The following ADAMTSL1 variants were observed in gnomAD, a reference collection of about 807,000 sequenced individuals.
ADAMTSL1 encodes the protein ADAMTS-like protein 1.
A neutral mutation model predicts 201.8 loss-of-function variants in ADAMTSL1; 126 were observed. The observed-to-expected ratio is 0.62, with a 90% CI of 0.54 to 0.72. The LOEUF is 0.72. Ranked by LOEUF, ADAMTSL1 falls within the 30% of genes least tolerant of loss-of-function variation. The pLI is 0.00. For synonymous variants in ADAMTSL1, 1,121 were observed against 903.4 expected, an observed-to-expected ratio of 1.24 and a Z score of -4.32; for missense variants, 2,679 against 2,277.8, an observed-to-expected ratio of 1.18 and a Z score of -3.59.
chr9:18,237,434 T>C (rs1195694057), intron 2 of ADAMTSL1, among the ~76,000 whole-genome samples: 1 of 152,236 alleles, frequency 6.6e-6, no homozygotes, highest in East Asian at 1.9e-4. Flanking sequence ...GTTCTCATAT[T>C]CCGTGCTCTC....
intron 2 of ADAMTSL1, among the ~76,000 whole-genome samples, chr9:18,176,517 A>G (rs1828165472): frequency 6.6e-6 from 1 of 152,164 alleles, no homozygotes; most frequent in African/African-American, 2.4e-5. Context: ...TTGAATACAT[A>G]TCTTCATTAA....
intron 14 of ADAMTSL1, among the ~76,000 whole-genome samples, chr9:18,710,976 A>G (rs888554544): frequency 2.6e-5 from 4 of 152,170 alleles, no homozygotes; most frequent in Non-Finnish European, 4.4e-5. Context: ...AACGTTACAC[A>G]TATGAAACAA....
chr9:17,991,119 A>T (rs895283261), intron 1 of ADAMTSL1, among the ~76,000 whole-genome samples: 3 of 152,166 alleles, frequency 2.0e-5, no homozygotes, highest in African/African-American at 7.2e-5. Context: ...ATCCTTACTT[A>T]TCCCAAACGC....
At chr9:17,957,962 A>T (rs1463408846) in intron 1 of ADAMTSL1, among the ~76,000 whole-genome samples, 1 of 152,148 alleles carries the variant, frequency 6.6e-6, no homozygotes, top group Non-Finnish European at 1.5e-5. Context: ...GGAGAGAATA[A>T]GTTTTTGTTG....
At position 18,886,166 on chromosome 9, in the gene ADAMTSL1, GTATATATATATA is replaced by G. The variant is rs751978972; in HGVS notation, c.4250-1630_4250-1619del. Among the ~76,000 whole-genome samples, 242 of 37,150 alleles carry G rather than the reference GTATATATATATA, an allele frequency of 6.5e-3. 5 individuals are homozygous for G. Among genetic ancestry groups the G allele is most frequent in the Admixed American group, 7.8e-3 (30 of 3,824 alleles). 24.4% of individuals were successfully genotyped at this position (37,150 alleles called of 152,430 possible). A position where few individuals can be genotyped will look rare whatever the true frequency, so the allele number is the denominator to read the frequency against. On this transcript the variant is annotated intron_variant, in intron 23 of 28. Transcript: ENST00000380548. Reference sequence around the variant, plus strand: ...TATATATACATGTGAGTGTGTATGTGTATATATATATATATATATATATATATATATATATAT... The same window carrying G: ...TATATATACATGTGAGTGTGTATGTGTATATATATATATATATATATATAT...
chr9:18,049,691 T>C (rs1383914857), intron 1 of ADAMTSL1, among the ~76,000 whole-genome samples: 4 of 152,008 alleles, frequency 2.6e-5, no homozygotes, highest in African/African-American at 9.7e-5. Flanking sequence ...CGGTGCCATC[T>C]TGGCTCACTG....
chr9:18,082,968 C>T (rs1481795921), intron 1 of ADAMTSL1, among the ~76,000 whole-genome samples: 1 of 152,160 alleles, frequency 6.6e-6, no homozygotes, highest in Non-Finnish European at 1.5e-5. Flanking sequence ...ACAACCAGTA[C>T]TGCCAGGAAG....
chr9:18,496,478 T>C (rs1822540558), intron 1 of ADAMTSL1, among the ~76,000 whole-genome samples: 3 of 152,156 alleles, frequency 2.0e-5, no homozygotes, highest in African/African-American at 7.2e-5. Context: ...TCAGAACTAT[T>C]ACACCACATT....
Position 18,742,253 on chromosome 9 carries a change from A to G in ADAMTSL1, c.2007-11045A>G, listed in dbSNP as rs1396215782. On this transcript the variant is annotated intron_variant, in intron 15 of 28. Coordinates refer to ENST00000380548, the MANE Select transcript of ADAMTSL1 (RefSeq NM_001040272.6). ...GAACACAATCCAACCCATAATAAGGAGAAATACTTAGGTTTGTAGGGTTTT... is the reference window on the plus strand; with the variant it reads ...GAACACAATCCAACCCATAATAAGGGGAAATACTTAGGTTTGTAGGGTTTT... Among the ~76,000 whole-genome samples, 2 of 152,210 alleles carry G rather than the reference A, an allele frequency of 1.3e-5. 1 individual carries two copies. Among genetic ancestry groups the G allele is most frequent in the East Asian group, 3.8e-4 (2 of 5,196 alleles).
chr9:18,212,750 C>T (rs1272756161), intron 2 of ADAMTSL1, among the ~76,000 whole-genome samples: 1 of 152,128 alleles, frequency 6.6e-6, no homozygotes, highest in African/African-American at 2.4e-5. Flanking sequence ...AAAGGGAAGA[C>T]AACTTCTAGC....
intron 3 of ADAMTSL1, among the ~76,000 whole-genome samples, chr9:18,558,918 G>A (rs1821287451): frequency 6.6e-6 from 1 of 152,106 alleles, no homozygotes; most frequent in African/African-American, 2.4e-5. Context: ...CCCTTTGTCA[G>A]ATGAATAGAT....
intron 1 of ADAMTSL1, among the ~76,000 whole-genome samples, chr9:17,938,192 C>G (rs1827091779): frequency 6.6e-6 from 1 of 152,102 alleles, no homozygotes; most frequent in Non-Finnish European, 1.5e-5. Context: ...GGGGTGTGTG[C>G]ATAAGCTGAG....
intron 2 of ADAMTSL1, among the ~76,000 whole-genome samples, chr9:18,391,810 T>C (rs904367948): frequency 4.3e-5 from 6 of 138,562 alleles, no homozygotes; most frequent in African/African-American, 1.3e-4. Context: ...CTACTTTTTT[T>C]CTTTCTTTTC....
chr9:18,131,609 C>T (rs1032726436), intron 1 of ADAMTSL1, among the ~76,000 whole-genome samples: 2 of 152,178 alleles, frequency 1.3e-5, no homozygotes, highest in Non-Finnish European at 2.9e-5. Flanking sequence ...CATAGACTGA[C>T]AAGGACCTCT....
chr9:18,655,195 T>G (rs1167422559), intron 7 of ADAMTSL1, among the ~76,000 whole-genome samples: 1 of 152,252 alleles, frequency 6.6e-6, no homozygotes, highest in African/African-American at 2.4e-5. Flanking sequence ...CTTCATGTGC[T>G]TATACTATCT....
intron 20 of ADAMTSL1, among the ~76,000 whole-genome samples, chr9:18,804,310 T>C (rs1403242745): frequency 6.6e-6 from 1 of 152,120 alleles, no homozygotes; most frequent in African/African-American, 2.4e-5. Context: ...GAAAGGAAAA[T>C]GTCTCAGAGA....
At chr9:18,281,255 T>C (rs529861684) in intron 2 of ADAMTSL1, among the ~76,000 whole-genome samples, 2 of 152,020 alleles carry the variant, frequency 1.3e-5, no homozygotes, top group South Asian at 4.2e-4. Flanking sequence ...CAAATTGCAA[T>C]GGGAAGGGGA....
At chr9:18,601,314 G>A (rs971010057) in intron 4 of ADAMTSL1, among the ~76,000 whole-genome samples, 2 of 152,136 alleles carry the variant, frequency 1.3e-5, no homozygotes, top group Non-Finnish European at 2.9e-5. Context: ...AATAAGTATT[G>A]GGCAACTAGA....
intron 1 of ADAMTSL1, among the ~76,000 whole-genome samples, chr9:17,949,977 G>A (rs1005169830): frequency 6.6e-6 from 1 of 152,018 alleles, no homozygotes; most frequent in African/African-American, 2.4e-5. Flanking sequence ...GGAGTGCAAT[G>A]GCCTGATCTT....
Sources: allele counts gnomAD v4.1 joint callset (sites outside exome capture counted in the v4.1 genomes callset), GRCh38; gene constraint gnomAD v4.1.1; transcripts MANE v1.5; gene names NCBI Gene and HGNC (gene_info 2026-07-23, HGNC 2026-07-21).